Variants in CAMK1D observed in about 807,000 individuals in gnomAD.
CAMK1D encodes calcium/calmodulin dependent protein kinase ID.
In CAMK1D, 9 loss-of-function variants were observed where a neutral mutation model predicts 47.7. The ratio of observed to expected loss-of-function variants is 0.19; its 90% CI spans 0.11 to 0.33. The LOEUF (loss-of-function observed/expected upper bound fraction) is 0.33. Ranked by LOEUF, CAMK1D falls within the 10% of genes least tolerant of loss-of-function variation. The probability of loss-of-function intolerance (pLI) is 1.00; values close to 1 mark genes in which losing one functional copy is unlikely to be tolerated. For missense variants in CAMK1D, 291 were observed against 488.7 expected (o/e 0.60, Z 3.81); for synonymous variants, 184 against 184.9 (o/e 0.99, Z 0.04).
intron 1 of CAMK1D, among the ~76,000 whole-genome samples, chr10:12,411,890 G>A (rs1035745772): frequency 2.0e-5 from 3 of 152,102 alleles, no homozygotes; most frequent in African/African-American, 7.2e-5. Flanking sequence ...CACTGTGCCC[G>A]GACAAGCCTA....
intron 1 of CAMK1D, among the ~76,000 whole-genome samples, chr10:12,392,268 C>T (rs1216305437): frequency 6.6e-6 from 1 of 152,172 alleles, no homozygotes; most frequent in African/African-American, 2.4e-5. Context: ...TGCCATTGCA[C>T]TCCAGCCTGG....
At chr10:12,795,205 A>G (rs1032169507) in intron 6 of CAMK1D, among the ~76,000 whole-genome samples, 4 of 152,154 alleles carry the variant, frequency 2.6e-5, no homozygotes, top group South Asian at 2.1e-4. Flanking sequence ...CAGACAGGAC[A>G]GGGGAGGGAG....
chr10:12,801,349 CTAT>C (rs1838449900), intron 6 of CAMK1D, among the ~76,000 whole-genome samples: 9 of 107,580 alleles, frequency 8.4e-5, no homozygotes, highest in Admixed American at 9.6e-5. Flanking sequence ...ATCTATCTAT[CTAT>C]CTTATCTATC....
intron 2 of CAMK1D, among the ~76,000 whole-genome samples, chr10:12,566,760 A>T (rs564042698): frequency 2.0e-5 from 3 of 152,350 alleles, no homozygotes; most frequent in Non-Finnish European, 4.4e-5. Flanking sequence ...CTCATCTTGC[A>T]GAGGTCCTTG....
intron 1 of CAMK1D, among the ~76,000 whole-genome samples, chr10:12,473,265 C>T (rs1388834103): frequency 6.6e-6 from 1 of 151,998 alleles, no homozygotes; most frequent in African/African-American, 2.4e-5. Flanking sequence ...AAGACCTTTG[C>T]CTATCAAAAT....
chr10:12,350,023 T>A (rs1837301090), intron 1 of CAMK1D, 113 bp downstream of exon 1: 1 of 408,650 alleles, frequency 2.4e-6, no homozygotes, highest in Non-Finnish European at 4.3e-6. Context: ...TGTCACCGCG[T>A]CCTCATTGTC....
intron 1 of CAMK1D, among the ~76,000 whole-genome samples, chr10:12,540,663 G>C (rs1282569064): frequency 6.6e-6 from 1 of 152,214 alleles, no homozygotes. Context: ...AATGAAAACT[G>C]ATCTGGACAG....
chr10:12,400,109 C>A (rs186420184), intron 1 of CAMK1D, among the ~76,000 whole-genome samples: 1 of 152,108 alleles, frequency 6.6e-6, no homozygotes, highest in Admixed American at 6.6e-5. Context: ...ATGTCATTTG[C>A]GCCTGGATGT....
chr10:12,578,426 TG>T (rs1837558963), intron 2 of CAMK1D, among the ~76,000 whole-genome samples: 1 of 151,676 alleles, frequency 6.6e-6, no homozygotes, highest in Non-Finnish European at 1.5e-5. Flanking sequence ...CAAAATTAGT[TG>T]GGCGTGGTGG....
intron 1 of CAMK1D, among the ~76,000 whole-genome samples, chr10:12,354,594 T>C (rs1837447754): frequency 6.6e-6 from 1 of 151,520 alleles, no homozygotes; most frequent in Admixed American, 6.6e-5. Flanking sequence ...TATTTTTTAG[T>C]AGAGACGGGA....
chr10:12,795,543 G>C (rs1461466154), intron 6 of CAMK1D, among the ~76,000 whole-genome samples: 1 of 152,188 alleles, frequency 6.6e-6, no homozygotes, highest in African/African-American at 2.4e-5. Context: ...AAAGAGGTCA[G>C]CCCCTGCAGT....
At chr10:12,373,653 A>G (rs569030713) in intron 1 of CAMK1D, among the ~76,000 whole-genome samples, 1 of 152,152 alleles carries the variant, frequency 6.6e-6, no homozygotes, top group Admixed American at 6.6e-5. Context: ...CAAACAAACA[A>G]AAAAACACCC....
chr10:12,681,863 G>C (rs1215720503), intron 3 of CAMK1D, among the ~76,000 whole-genome samples: 6 of 152,212 alleles, frequency 3.9e-5, no homozygotes, highest in Non-Finnish European at 7.3e-5. Flanking sequence ...AACAAAACTT[G>C]AAATATATTC....
chr10:12,536,311 C>A (rs1835968574), intron 1 of CAMK1D, among the ~76,000 whole-genome samples: 1 of 152,124 alleles, frequency 6.6e-6, no homozygotes, highest in South Asian at 2.1e-4. Context: ...CGGAGGCTCA[C>A]TCTGTCTCCA....
At chr10:12,432,948 A>G (rs1006684996) in intron 1 of CAMK1D, among the ~76,000 whole-genome samples, 1 of 152,172 alleles carries the variant, frequency 6.6e-6, no homozygotes, top group Non-Finnish European at 1.5e-5. Flanking sequence ...GGTCCCCGGG[A>G]TTAGAGTAAA....
At chr10:12,387,408 TATATATATTTTATA>T (rs1483526737) in intron 1 of CAMK1D, among the ~76,000 whole-genome samples, 1 of 45,454 alleles carries the variant, frequency 2.2e-5, no homozygotes, top group Non-Finnish European at 5.6e-5. Context: ...TTTTATATAT[TATATATATTTTATA>T]TATTTTATAT....
chr10:12,729,357 C>T (rs192754665), intron 3 of CAMK1D, among the ~76,000 whole-genome samples: 394 of 152,232 alleles, frequency 2.6e-3, no homozygotes, highest in African/African-American at 9.2e-3. Context: ...AAAGTGGGAC[C>T]GAGCACAGTG....
intron 5 of CAMK1D, among the ~76,000 whole-genome samples, chr10:12,775,065 G>A (rs1402648700): frequency 2.8e-5 from 4 of 143,692 alleles, no homozygotes; most frequent in Non-Finnish European, 6.1e-5. Context: ...TTGATCAGGT[G>A]AGACTGTGAG....
intron 3 of CAMK1D, among the ~76,000 whole-genome samples, chr10:12,760,040 A>C (rs1751402376): frequency 6.6e-6 from 1 of 152,076 alleles, no homozygotes; most frequent in African/African-American, 2.4e-5. Context: ...AATCCCTTGA[A>C]ATTTATTTCC....
Sources: allele counts gnomAD v4.1 joint callset (sites outside exome capture counted in the v4.1 genomes callset), GRCh38; gene constraint gnomAD v4.1.1; transcripts MANE v1.5; gene names NCBI Gene and HGNC (gene_info 2026-07-23, HGNC 2026-07-21).